PALLD: variants seen among roughly 807,000 people sequenced by gnomAD.
The protein encoded by PALLD is palladin.
PALLD carries 61 observed loss-of-function variants against 123.5 expected under a neutral mutation model. The observed-to-expected ratio is 0.49, with a 90% CI of 0.40 to 0.61. The LOEUF (loss-of-function observed/expected upper bound fraction) is 0.61, where lower values mean the gene tolerates loss of function less well. Ranked by LOEUF, PALLD falls within the 20% of genes least tolerant of loss-of-function variation. PALLD has a pLI of 0.00. For missense variants in PALLD, 1,273 were observed against 1,377.0 expected, an observed-to-expected ratio of 0.92 and a Z score of 1.20; for synonymous variants, 465 against 496.4, an observed-to-expected ratio of 0.94 and a Z score of 0.84.
chr4:168,858,090 A>C (rs1748865297), intron 10 of PALLD, among the ~76,000 whole-genome samples: 1 of 152,210 alleles, frequency 6.6e-6, no homozygotes, highest in African/African-American at 2.4e-5. Flanking sequence ...TTTAGAGCAA[A>C]ATTTCAGATT....
chr4:168,669,949 C>T (rs1780027413), intron 3 of PALLD, among the ~76,000 whole-genome samples: 1 of 152,126 alleles, frequency 6.6e-6, no homozygotes, highest in South Asian at 2.1e-4. Context: ...CAGTCTTGCT[C>T]CAGGGCCCAT....
At position 168,859,778 on chromosome 4, in the gene PALLD, G is replaced by C. The variant is rs186045520; in HGVS notation, c.1965-31144G>C. On this transcript the variant is annotated intron_variant, in intron 10 of 21. Transcript: ENST00000505667. Reference sequence around the variant, plus strand: ...CAAGGAGCACTGTACAGTAGAAACAGAATGTGAACCACCACAATGAAGACC... The same window carrying C: ...CAAGGAGCACTGTACAGTAGAAACACAATGTGAACCACCACAATGAAGACC... Among the ~76,000 whole-genome samples, 29 of 152,218 alleles carry C rather than the reference G, an allele frequency of 1.9e-4. No individual in the cohort carries two copies. The East Asian group carries it at 5.4e-3, about 28-fold the overall frequency.
At chr4:168,835,391 C>CTA (rs1290185512) in intron 10 of PALLD, among the ~76,000 whole-genome samples, 1 of 152,116 alleles carries the variant, frequency 6.6e-6, no homozygotes, top group African/African-American at 2.4e-5. Flanking sequence ...GCTCCTGGTA[C>CTA]TATATACGTA....
chr4:168,721,956 C>T (rs1786063513), intron 10 of PALLD, among the ~76,000 whole-genome samples: 1 of 152,222 alleles, frequency 6.6e-6, no homozygotes, highest in Admixed American at 6.5e-5. Context: ...CCAACAACAC[C>T]TGCCCCCACC....
intron 2 of PALLD, among the ~76,000 whole-genome samples, chr4:168,628,093 C>T (rs551140604): frequency 1.3e-5 from 2 of 152,298 alleles, no homozygotes; most frequent in Admixed American, 6.5e-5. Flanking sequence ...ATGTAAAATC[C>T]AGTAATCCCA....
chr4:168,556,188 C>G (rs199826917), intron 2 of PALLD, among the ~76,000 whole-genome samples: 1 of 152,152 alleles, frequency 6.6e-6, no homozygotes, highest in African/African-American at 2.4e-5. Flanking sequence ...CTCCGCCCCC[C>G]GGGTTCACGC....
At chr4:168,829,867 T>C (rs1055368613) in intron 10 of PALLD, among the ~76,000 whole-genome samples, 1 of 152,172 alleles carries the variant, frequency 6.6e-6, no homozygotes, top group African/African-American at 2.4e-5. Context: ...CTCTCAAAAA[T>C]GCAAGAGATG....
In PALLD at chr4:168,913,973, A is replaced by G. The variant is rs780764400; in HGVS notation, c.2669A>G (p.Gln890Arg). The G allele has an allele frequency of 2.5e-6, 4 of 1,613,578 alleles. No individual in the cohort carries two copies. The highest frequency in any genetic ancestry group is 2.5e-6 in the Non-Finnish European group (3 of 1,179,482). The change falls in exon 16 of 22, where the codon CAA becomes CGA. Residue 890 changes from glutamine (Q) to arginine (R), a missense_variant. Gln to Arg is a conservative substitution (Grantham distance 43, BLOSUM62 1). Coordinates refer to ENST00000505667, the MANE Select transcript of PALLD (RefSeq NM_001166108.2). ...TGRLMVQAVNQRGRSPRSPSG... is the reference protein window; with the variant it reads ...TGRLMVQAVNRRGRSPRSPSG... ...CGGCTAATGGTACAGGCTGTCAACC[A>G]AAGAGGTCGAAGTCCCCGGTCTCCC...
intron 2 of PALLD, among the ~76,000 whole-genome samples, chr4:168,553,702 T>C (rs1766980044): frequency 6.6e-6 from 1 of 152,136 alleles, no homozygotes; most frequent in Non-Finnish European, 1.5e-5. Flanking sequence ...GTTGTTGTTG[T>C]TGTTGTTGGC....
In PALLD at chr4:168,511,423, AAC is replaced by A. The variant is rs1762520268; in HGVS notation, c.-78_-77del. 8 of 1,024,716 alleles carry A rather than the reference AAC, an allele frequency of 7.8e-6. No individual in the cohort carries two copies. The East Asian group carries it at 1.7e-4, about 21-fold the overall frequency. 63.5% of individuals were successfully genotyped at this position (1,024,716 alleles called of 1,614,324 possible). On this transcript the variant is annotated splice_region_variant and 5_prime_UTR_variant, in exon 2 of 22. Coordinates refer to ENST00000505667, the MANE Select transcript of PALLD (RefSeq NM_001166108.2). Reference sequence around the variant, plus strand: ...AATGACATTCTATGCTGTCTTTCAGAACACAGTTTCAGAAAACAGTTTCCAGT... The same window carrying A: ...AATGACATTCTATGCTGTCTTTCAGAACAGTTTCAGAAAACAGTTTCCAGT...
At chr4:168,551,738 G>T (rs1766753802) in intron 2 of PALLD, among the ~76,000 whole-genome samples, 1 of 151,618 alleles carries the variant, frequency 6.6e-6, no homozygotes, top group Non-Finnish European at 1.5e-5. Flanking sequence ...AGAGCAGCTT[G>T]TCCATGGCTA....
At chr4:168,676,328 G>T (rs561522489) in intron 3 of PALLD, among the ~76,000 whole-genome samples, 7 of 151,848 alleles carry the variant, frequency 4.6e-5, no homozygotes, top group African/African-American at 1.7e-4. Flanking sequence ...ATCTGTAAAT[G>T]ATTCTTGCTG....
chr4:168,595,124 C>A (rs1771847725), intron 2 of PALLD, among the ~76,000 whole-genome samples: 1 of 152,030 alleles, frequency 6.6e-6, no homozygotes, highest in Non-Finnish European at 1.5e-5. Context: ...ATTAAAGACC[C>A]CAAATAAATG....
At chr4:168,524,313 T>G (rs10434303) in intron 2 of PALLD, among the ~76,000 whole-genome samples, 42,746 of 152,136 alleles carry the variant, frequency 0.28, 6,997 homozygotes, top group East Asian at 0.57. Context: ...TCATGTTAGA[T>G]TCAGTGAACT....
At chr4:168,571,601 T>C (rs1768990128) in intron 2 of PALLD, among the ~76,000 whole-genome samples, 1 of 152,168 alleles carries the variant, frequency 6.6e-6, no homozygotes, top group African/African-American at 2.4e-5. Flanking sequence ...AGATCGAGAA[T>C]TTGTAAAACT....
At chr4:168,555,213 A>G (rs1483547271) in intron 2 of PALLD, among the ~76,000 whole-genome samples, 1 of 152,226 alleles carries the variant, frequency 6.6e-6, no homozygotes, top group East Asian at 1.9e-4. Context: ...ACTTGTGAAT[A>G]AGTCCTAAGT....
At chr4:168,651,183 A>C (rs1330428154) in intron 2 of PALLD, among the ~76,000 whole-genome samples, 1 of 152,174 alleles carries the variant, frequency 6.6e-6, no homozygotes, top group African/African-American at 2.4e-5. Flanking sequence ...TTGCGCAGGG[A>C]TCAATAAATC....
intron 2 of PALLD, among the ~76,000 whole-genome samples, chr4:168,634,599 G>A (rs1776154511): frequency 6.6e-6 from 1 of 152,206 alleles, no homozygotes; most frequent in South Asian, 2.1e-4. Flanking sequence ...AGCGAGGGGA[G>A]TGGAGGCTCC....
intron 10 of PALLD, among the ~76,000 whole-genome samples, chr4:168,776,733 C>T (rs1169423048): frequency 3.3e-5 from 5 of 152,252 alleles, no homozygotes; most frequent in Middle Eastern, 3.4e-3. Flanking sequence ...AAATGCTTTT[C>T]TGCCTCTATT....
Sources: gnomAD v4.1 joint callset for allele counts (sites outside exome capture counted in the v4.1 genomes callset) on GRCh38, gnomAD v4.1.1 for gene constraint, MANE v1.5 for transcripts, NCBI Gene and HGNC (gene_info 2026-07-23, HGNC 2026-07-21) for gene names.